Variants in ZNF407 observed in about 807,000 individuals in gnomAD.
The protein encoded by ZNF407 is zinc finger protein 407.
A neutral mutation model predicts 131.2 loss-of-function variants in ZNF407; 17 were observed. That is an observed-to-expected ratio of 0.13 (90% CI 0.09 to 0.19). The LOEUF (loss-of-function observed/expected upper bound fraction) is 0.19, where lower values mean the gene tolerates loss of function less well. Ranked by LOEUF, ZNF407 falls within the 10% of genes least tolerant of loss-of-function variation. ZNF407 has a pLI of 1.00. For missense variants in ZNF407, 2,681 were observed against 2,830.6 expected (o/e 0.95, Z 1.20); for synonymous variants, 1,156 against 1,062.0 (o/e 1.09, Z -1.72).
At chr18:74,723,852 C>A (rs908367351) in intron 3 of ZNF407, among the ~76,000 whole-genome samples, 1 of 151,314 alleles carries the variant, frequency 6.6e-6, no homozygotes, top group Admixed American at 6.6e-5. Flanking sequence ...CTACTCCCAA[C>A]CTCCAGCTTT....
chr18:74,957,628 G>A (rs552577468), intron 8 of ZNF407, among the ~76,000 whole-genome samples: 2 of 152,314 alleles, frequency 1.3e-5, no homozygotes, highest in Non-Finnish European at 2.9e-5. Flanking sequence ...AGCATTGACA[G>A]TTGCTATTTT....
intron 7 of ZNF407, among the ~76,000 whole-genome samples, chr18:74,896,457 T>C (rs1457501910): frequency 2.0e-5 from 3 of 152,212 alleles, no homozygotes; most frequent in East Asian, 3.8e-4. Flanking sequence ...AGGCTAATAA[T>C]GATTCCAAGG....
At chr18:74,813,358 G>T (rs146592574) in intron 4 of ZNF407, among the ~76,000 whole-genome samples, 1 of 152,100 alleles carries the variant, frequency 6.6e-6, no homozygotes, top group African/African-American at 2.4e-5. Context: ...CACACTCTGC[G>T]CAGCTTCAGA....
rs186922813 is a variant in ZNF407, at chr18:74,631,231, A to T, written c.212A>T (p.His71Leu). Residue 71 changes from histidine to leucine, a missense_variant, in exon 2 of 9, where the codon CAT (histidine) becomes CTT (leucine). By Grantham distance (99) the His-to-Leu change is moderately conservative (BLOSUM62 -3). Around this residue, in one of 6 missense-constraint regions of ZNF407, gnomAD observed 1,789 missense variants for 1,748.7 expected, o/e 1.02. Transcript: ENST00000299687. Reference protein sequence around the residue: ...SVVIGEDRNKHASKRRKLDEA... With the variant: ...SVVIGEDRNKLASKRRKLDEA... ...GTTATAGGAGAAGACAGAAATAAAC[A>T]TGCTTCCAAACGCAGGAAATTAGAT... The T allele has an allele frequency of 8.1e-5, 131 of 1,613,996 alleles. No individual in the cohort carries two copies. The highest frequency in any genetic ancestry group is 1.1e-4 in the Non-Finnish European group (128 of 1,179,882).
In ZNF407 at chr18:74,729,490, T is replaced by C. The variant is rs139536940; in HGVS notation, c.4803-51938T>C. Among the ~76,000 whole-genome samples, 36 of 152,140 alleles carry C rather than the reference T, an allele frequency of 2.4e-4. No homozygotes were observed. In the Middle Eastern group the frequency reaches 0.01, roughly 43 times the overall value. On this transcript the variant is annotated intron_variant, in intron 3 of 8. Transcript: ENST00000299687. ...TCCAGAGAAGAAAGGTCAAGTGTGG[T>C]TTGTGTGTGTGTGTGTTTTTTTTTG...
At chr18:74,899,656 C>G (rs1194204818) in intron 7 of ZNF407, among the ~76,000 whole-genome samples, 1 of 152,086 alleles carries the variant, frequency 6.6e-6, no homozygotes, top group Non-Finnish European at 1.5e-5. Context: ...AGAAGAGAGG[C>G]AAATAGCCTG....
intron 3 of ZNF407, among the ~76,000 whole-genome samples, chr18:74,685,009 G>A (rs1175683165): frequency 6.6e-6 from 1 of 152,142 alleles, no homozygotes; most frequent in Non-Finnish European, 1.5e-5. Context: ...TAGAGACAGT[G>A]TGGCACTCAT....
At chr18:74,827,022 G>A (rs1490479020) in intron 4 of ZNF407, among the ~76,000 whole-genome samples, 1 of 152,190 alleles carries the variant, frequency 6.6e-6, no homozygotes, top group Non-Finnish European at 1.5e-5. Context: ...TCCCTTCACA[G>A]CAAAAGGATC....
Position 74,669,793 on chromosome 18 carries a change from C to T in ZNF407, c.4802+28671C>T, listed in dbSNP as rs183210596. On this transcript the variant is annotated intron_variant, in intron 3 of 8. Coordinates refer to ENST00000299687, the MANE Select transcript of ZNF407 (RefSeq NM_017757.3). Reference sequence around the variant, plus strand: ...CCTGGTTAGAGTAGAATTTTCAGAACGCTCCTTGTGGGGAAAAAAAGAAGT... The same window carrying T: ...CCTGGTTAGAGTAGAATTTTCAGAATGCTCCTTGTGGGGAAAAAAAGAAGT... Among the ~76,000 whole-genome samples, 5 of 152,242 alleles carry T rather than the reference C, an allele frequency of 3.3e-5. No homozygotes were observed. In the East Asian group the frequency reaches 5.8e-4, roughly 18 times the overall value.
intron 8 of ZNF407, among the ~76,000 whole-genome samples, chr18:75,020,581 C>A (rs1331583800): frequency 1.3e-5 from 2 of 151,818 alleles, no homozygotes; most frequent in African/African-American, 2.4e-5. Flanking sequence ...AATGAATAGC[C>A]CAGTAAAATG....
At chr18:74,759,181 C>G (rs1002276662) in intron 3 of ZNF407, among the ~76,000 whole-genome samples, 6 of 151,960 alleles carry the variant, frequency 3.9e-5, no homozygotes, top group African/African-American at 7.3e-5. Context: ...TTCTGACTTG[C>G]ATAGTTTGTG....
chr18:74,764,486 G>T (rs1187711098), intron 3 of ZNF407, among the ~76,000 whole-genome samples: 1 of 152,000 alleles, frequency 6.6e-6, no homozygotes, highest in South Asian at 2.1e-4. Context: ...TACTTTTGTG[G>T]ATTCTACCAA....
intron 6 of ZNF407, among the ~76,000 whole-genome samples, chr18:74,889,544 G>A (rs1175973194): frequency 1.3e-5 from 2 of 152,012 alleles, no homozygotes; most frequent in Non-Finnish European, 2.9e-5. Flanking sequence ...GTATATCTCT[G>A]TTATATGCCT....
chr18:74,799,891 G>GA lies in ZNF407; in HGVS notation c.4877+18398dup, dbSNP rs1196216525. Among the ~76,000 whole-genome samples, 143 of 128,692 alleles carry GA rather than the reference G, an allele frequency of 1.1e-3. 1 individual carries two copies. The highest frequency in any genetic ancestry group is 3.3e-3 in the South Asian group (13 of 3,888). 84.4% of individuals were successfully genotyped at this position (128,692 alleles called of 152,430 possible). The stretch of plus-strand genomic sequence containing the variant: ...CTATTGCAGCAGTATTGCCGTTGTT[G>GA]AAAAAAAAATCCTTTTTTTTTTTTT... On this transcript the variant is annotated intron_variant, in intron 4 of 8. Transcript: ENST00000299687.
intron 3 of ZNF407, among the ~76,000 whole-genome samples, chr18:74,771,618 C>G (rs1969363263): frequency 1.3e-5 from 2 of 151,860 alleles, no homozygotes; most frequent in African/African-American, 4.8e-5. Flanking sequence ...GTTTCTGACA[C>G]TTTAAAAATA....
chr18:74,851,202 C>A (rs746948620), intron 4 of ZNF407, among the ~76,000 whole-genome samples: 2 of 152,136 alleles, frequency 1.3e-5, no homozygotes, highest in Non-Finnish European at 2.9e-5. Flanking sequence ...ATAAATTGTA[C>A]AGTTGTTCTT....
intron 3 of ZNF407, among the ~76,000 whole-genome samples, chr18:74,668,281 G>A (rs1188070384): frequency 6.6e-6 from 1 of 152,164 alleles, no homozygotes; most frequent in African/African-American, 2.4e-5. Context: ...AAACATAAGT[G>A]AATTTCCTGT....
chr18:74,874,494 T>TG (rs1971128865), intron 4 of ZNF407, among the ~76,000 whole-genome samples: 1 of 152,114 alleles, frequency 6.6e-6, no homozygotes, highest in Non-Finnish European at 1.5e-5. Context: ...GGCATCTCCT[T>TG]GGGGGGTGGC....
chr18:74,911,376 G>T (rs1269506551), intron 7 of ZNF407, among the ~76,000 whole-genome samples: 1 of 152,112 alleles, frequency 6.6e-6, no homozygotes, highest in Non-Finnish European at 1.5e-5. Flanking sequence ...AAAAAATCTT[G>T]TTAGAATTGT....
Sources: gnomAD v4.1 joint callset for allele counts (sites outside exome capture counted in the v4.1 genomes callset) on GRCh38, gnomAD v4.1.1 for gene constraint, gnomAD v4.1.1 regional missense constraint, MANE v1.5 for transcripts, NCBI Gene and HGNC (gene_info 2026-07-23, HGNC 2026-07-21) for gene names.